The following IL1RAPL1 variants were observed in gnomAD, a reference collection of about 807,000 sequenced individuals.
IL1RAPL1 encodes interleukin-1 receptor accessory protein-like 1.
Under a neutral mutation model 48.4 loss-of-function variants are expected in IL1RAPL1, and 3 were observed. The ratio of observed to expected loss-of-function variants is 0.06; its 90% CI spans 0.03 to 0.16. The LOEUF is 0.16. Ranked by LOEUF, IL1RAPL1 falls within the 10% of genes least tolerant of loss-of-function variation. The pLI is 1.00. For synonymous variants in IL1RAPL1, 185 were observed against 187.7 expected, an observed-to-expected ratio of 0.99 and a Z score of 0.12; for missense variants, 349 against 530.6, an observed-to-expected ratio of 0.66 and a Z score of 3.36.
intron 2 of IL1RAPL1, among the ~76,000 whole-genome samples, chrX:29,136,891 A>G (rs1409780588): frequency 1.8e-5 from 2 of 111,670 alleles, no homozygotes; most frequent in African/African-American, 6.5e-5. Context: ...GGGTTGGGGC[A>G]TTGGCCTAAT....
intron 6 of IL1RAPL1, among the ~76,000 whole-genome samples, chrX:29,752,015 A>G (rs1413956050): frequency 9.8e-6 from 1 of 101,836 alleles, no homozygotes; most frequent in African/African-American, 3.5e-5. Context: ...ACATATATAT[A>G]TGATAATATG....
At chrX:29,675,548 G>A (rs1393207397) in intron 6 of IL1RAPL1, among the ~76,000 whole-genome samples, 1 of 112,394 alleles carries the variant, frequency 8.9e-6, no homozygotes, top group Admixed American at 9.4e-5. Context: ...ACTTTAGGAG[G>A]TGGAGGGGGT....
rs958246133 is a variant in IL1RAPL1 at position 29,779,816 on chromosome X, CAT to C, written c.778+111317_778+111318del. Among the ~76,000 whole-genome samples, 12 of 110,893 alleles carry C rather than the reference CAT, an allele frequency of 1.1e-4. No individual in the cohort carries two copies. The Admixed American group carries it at 1.2e-3, about 11-fold the overall frequency. The stretch of plus-strand genomic sequence containing the variant: ...CATGAGTTGCATTTCTTGTGGGTAA[CAT>C]ATATTAATTTTATTATAATTTATCT... On this transcript the variant is annotated intron_variant, in intron 6 of 10. Transcript: ENST00000378993.
chrX:29,220,156 A>G (rs1388290113), intron 2 of IL1RAPL1, among the ~76,000 whole-genome samples: 1 of 111,629 alleles, frequency 9.0e-6, no homozygotes, highest in African/African-American at 3.3e-5. Context: ...CCATGTTTGA[A>G]TCTCACCTTA....
intron 2 of IL1RAPL1, among the ~76,000 whole-genome samples, chrX:28,883,001 G>A (rs950307413): frequency 3.6e-5 from 4 of 111,510 alleles, no homozygotes; most frequent in Non-Finnish European, 7.5e-5. Flanking sequence ...TACAGTGTGT[G>A]TATGGGAGAG....
At chrX:29,329,515 T>TA (rs1171680379) in intron 3 of IL1RAPL1, among the ~76,000 whole-genome samples, 1 of 110,927 alleles carries the variant, frequency 9.0e-6, no homozygotes, top group Admixed American at 9.6e-5. Flanking sequence ...AATTAGGCAA[T>TA]AAAAAATGAA....
At chrX:29,007,135 A>C (rs1926003860) in intron 2 of IL1RAPL1, among the ~76,000 whole-genome samples, 1 of 111,959 alleles carries the variant, frequency 8.9e-6, no homozygotes. Flanking sequence ...ATTACAGGCA[A>C]ATTTTCTAGT....
chrX:29,207,185 CAA>C lies in IL1RAPL1; in HGVS notation c.83-75752_83-75751del, dbSNP rs976649509. ...TCTTCATTTTCTAAAATCCAAGAAA[CAA>C]GAGAGGCCATAAACTATTTCCTCAA... On this transcript the variant is annotated intron_variant, in intron 2 of 10. Transcript: ENST00000378993. Among the ~76,000 whole-genome samples the C allele has an allele frequency of 5.4e-5, 6 of 111,591 alleles. No homozygotes were observed. In the Admixed American group the frequency reaches 5.7e-4, roughly 11 times the overall value.
At chrX:29,015,412 A>G (rs1461219875) in intron 2 of IL1RAPL1, among the ~76,000 whole-genome samples, 2 of 111,736 alleles carry the variant, frequency 1.8e-5, no homozygotes, top group Non-Finnish European at 3.8e-5. Context: ...AGTGAATTAT[A>G]TAGAATTCTG....
At chrX:29,023,561 A>G (rs1926418401) in intron 2 of IL1RAPL1, among the ~76,000 whole-genome samples, 1 of 112,775 alleles carries the variant, frequency 8.9e-6, no homozygotes, top group Non-Finnish European at 1.9e-5. Context: ...CAAATAAAAA[A>G]CTTAGATCTT....
chrX:29,263,120 A>G (rs1931889992), intron 2 of IL1RAPL1, among the ~76,000 whole-genome samples: 1 of 111,847 alleles, frequency 8.9e-6, no homozygotes, highest in Non-Finnish European at 1.9e-5. Flanking sequence ...ATTTGTTTAT[A>G]TCACCATTAG....
intron 1 of IL1RAPL1, among the ~76,000 whole-genome samples, chrX:28,643,724 G>A (rs973344486): frequency 9.8e-5 from 11 of 111,808 alleles, no homozygotes; most frequent in African/African-American, 3.3e-4. Context: ...ATTTAGAAAG[G>A]AGATCAAGAA....
At chrX:29,492,144 C>G (rs1183508314) in intron 5 of IL1RAPL1, among the ~76,000 whole-genome samples, 1 of 112,027 alleles carries the variant, frequency 8.9e-6, no homozygotes, top group African/African-American at 3.2e-5. Flanking sequence ...AAACTATCAC[C>G]TAGCTTCTGA....
Position 29,396,246 on chromosome X carries a change from G to T in IL1RAPL1, c.363-12G>T, listed in dbSNP as rs760702582. Reference sequence around the variant, plus strand: ...CACACCAGGTCACTGTATTTATTCTGCTTTGTTACAGAAACTCCACTTACT... The same window carrying T: ...CACACCAGGTCACTGTATTTATTCTTCTTTGTTACAGAAACTCCACTTACT... On this transcript the variant is annotated splice_polypyrimidine_tract_variant and intron_variant, in intron 3 of 10. Transcript: ENST00000378993. The T allele has an allele frequency of 4.2e-6, 5 of 1,192,474 alleles. No homozygotes were observed. Among genetic ancestry groups the T allele is most frequent in the Admixed American group, 2.2e-5 (1 of 45,698 alleles).
In IL1RAPL1 at chrX:29,059,554, A is replaced by G. The variant is rs867131215; in HGVS notation, c.83-223384A>G. Among the ~76,000 whole-genome samples, 64 of 111,810 alleles carry G rather than the reference A, an allele frequency of 5.7e-4. No homozygotes were observed. The Middle Eastern group carries it at 0.014, about 24-fold the overall frequency. ...ATTACCTGAAGCTTGCTGAGCAAAC[A>G]TTTTTGGGGAATGACAAAAAAAGCT... is the stretch of plus-strand genomic sequence containing the variant. On this transcript the variant is annotated intron_variant, in intron 2 of 10. Coordinates refer to ENST00000378993, the MANE Select transcript of IL1RAPL1 (RefSeq NM_014271.4).
intron 3 of IL1RAPL1, among the ~76,000 whole-genome samples, chrX:29,334,480 G>T (rs1254384302): frequency 8.9e-6 from 1 of 112,585 alleles, no homozygotes; most frequent in Non-Finnish European, 1.9e-5. Flanking sequence ...CCTCCCGGAC[G>T]GGGTGGCTGC....
intron 5 of IL1RAPL1, among the ~76,000 whole-genome samples, chrX:29,660,376 C>T (rs919505213): frequency 8.9e-6 from 1 of 111,971 alleles, no homozygotes; most frequent in Admixed American, 9.5e-5. Context: ...GCATTGGTTG[C>T]CTGTGCTTTT....
At chrX:29,261,536 AC>A (rs961449293) in intron 2 of IL1RAPL1, among the ~76,000 whole-genome samples, 2 of 108,533 alleles carry the variant, frequency 1.8e-5, no homozygotes, top group African/African-American at 6.7e-5. Flanking sequence ...CCTCTCCCTT[AC>A]CCCTGCTTTT....
chrX:29,688,764 C>CTGTG (rs1406628560), intron 6 of IL1RAPL1, among the ~76,000 whole-genome samples: 1 of 103,930 alleles, frequency 9.6e-6, no homozygotes, highest in South Asian at 4.3e-4. Context: ...CTGTGTGTGT[C>CTGTG]TGTGTGTGTG....
Sources: gnomAD v4.1 joint callset for allele counts (sites outside exome capture counted in the v4.1 genomes callset) on GRCh38, gnomAD v4.1.1 for gene constraint, MANE v1.5 for transcripts, NCBI Gene and HGNC (gene_info 2026-07-23, HGNC 2026-07-21) for gene names.